Variants in ATRNL1 observed in about 807,000 individuals in gnomAD.
The protein encoded by ATRNL1 is attractin like 1.
Under a neutral mutation model 182.7 loss-of-function variants are expected in ATRNL1, and 95 were observed. That is an observed-to-expected ratio of 0.52 (90% CI 0.44 to 0.62). ATRNL1 has a LOEUF of 0.62. Ranked by LOEUF, ATRNL1 falls within the 20% of genes least tolerant of loss-of-function variation. The probability of loss-of-function intolerance (pLI) is 0.00; values close to 1 mark genes in which losing one functional copy is unlikely to be tolerated. For synonymous variants in ATRNL1, 576 were observed against 568.3 expected (o/e 1.01, Z -0.19); for missense variants, 1,471 against 1,679.5 (o/e 0.88, Z 2.17).
intron 27 of ATRNL1, among the ~76,000 whole-genome samples, chr10:115,769,565 A>G (rs557536302): frequency 6.6e-6 from 1 of 152,306 alleles, no homozygotes; most frequent in South Asian, 2.1e-4. Flanking sequence ...CATAGCGCTC[A>G]GTACATTGTA....
intron 27 of ATRNL1, among the ~76,000 whole-genome samples, chr10:115,752,219 G>A (rs1370379269): frequency 6.6e-6 from 1 of 151,962 alleles, no homozygotes; most frequent in African/African-American, 2.4e-5. Context: ...TCATCAAGTA[G>A]GGGAATCAGA....
chr10:115,435,597 T>C (rs1846369975), intron 21 of ATRNL1, among the ~76,000 whole-genome samples: 1 of 152,200 alleles, frequency 6.6e-6, no homozygotes, highest in African/African-American at 2.4e-5. Flanking sequence ...TTTATTTGTA[T>C]GTCTTTAATG....
At chr10:115,893,423 T>G (rs1192351306) in intron 28 of ATRNL1, among the ~76,000 whole-genome samples, 1 of 152,228 alleles carries the variant, frequency 6.6e-6, no homozygotes, top group Non-Finnish European at 1.5e-5. Flanking sequence ...GTGCCTTTTA[T>G]TAATGTATTT....
chr10:115,406,594 A>C (rs1371828963), intron 20 of ATRNL1, among the ~76,000 whole-genome samples: 19 of 152,168 alleles, frequency 1.2e-4, no homozygotes, highest in Admixed American at 1.1e-3. Flanking sequence ...AAGCTTAAAA[A>C]ATTCCTTAGT....
intron 19 of ATRNL1, among the ~76,000 whole-genome samples, chr10:115,361,149 C>T (rs1554944103): frequency 2.0e-5 from 3 of 151,882 alleles, no homozygotes; most frequent in East Asian, 1.9e-4. Flanking sequence ...GTCTTTCACC[C>T]GCTAGTTCTA....
chr10:115,132,622 T>A (rs1592144254), intron 5 of ATRNL1, among the ~76,000 whole-genome samples: 1 of 152,290 alleles, frequency 6.6e-6, no homozygotes, highest in East Asian at 1.9e-4. Context: ...TGATCGCCAT[T>A]CTAACTGGTG....
chr10:115,254,143 A>G (rs1199294200), intron 10 of ATRNL1, among the ~76,000 whole-genome samples: 11 of 152,206 alleles, frequency 7.2e-5, no homozygotes. Flanking sequence ...TCCTTTGGGT[A>G]TATACCCAGT....
chr10:115,540,189 G>A (rs1186128193), intron 25 of ATRNL1, among the ~76,000 whole-genome samples: 1 of 151,778 alleles, frequency 6.6e-6, no homozygotes, highest in Non-Finnish European at 1.5e-5. Flanking sequence ...GATCTCTCCT[G>A]AGCTGCCTGT....
At chr10:115,363,726 T>C (rs1856871640) in intron 19 of ATRNL1, among the ~76,000 whole-genome samples, 1 of 151,942 alleles carries the variant, frequency 6.6e-6, no homozygotes, top group Admixed American at 6.6e-5. Flanking sequence ...CAGTTTCAGC[T>C]TTCTACATAT....
intron 24 of ATRNL1, among the ~76,000 whole-genome samples, chr10:115,517,657 A>T (rs974021389): frequency 1.3e-5 from 2 of 151,776 alleles, no homozygotes; most frequent in African/African-American, 2.4e-5. Flanking sequence ...TTAGGTATTT[A>T]TCAACATTGC....
chr10:115,551,400 G>A (rs557715465), intron 26 of ATRNL1, among the ~76,000 whole-genome samples: 48 of 151,364 alleles, frequency 3.2e-4, no homozygotes, highest in South Asian at 2.1e-4. Flanking sequence ...GATGTGGAAA[G>A]GATAAAAGAC....
At chr10:115,344,017 G>A (rs1336081983) in intron 19 of ATRNL1, among the ~76,000 whole-genome samples, 2 of 152,170 alleles carry the variant, frequency 1.3e-5, no homozygotes, top group African/African-American at 2.4e-5. Flanking sequence ...ACTTAAAGCT[G>A]GGGGTGGAGT....
intron 25 of ATRNL1, among the ~76,000 whole-genome samples, chr10:115,535,211 T>A (rs1312012372): frequency 6.6e-6 from 1 of 152,154 alleles, no homozygotes; most frequent in Non-Finnish European, 1.5e-5. Flanking sequence ...GTTTTCCAAC[T>A]TGGCTCCATT....
chr10:115,504,010 C>T (rs182743515), intron 24 of ATRNL1, among the ~76,000 whole-genome samples: 1 of 151,690 alleles, frequency 6.6e-6, no homozygotes, highest in Non-Finnish European at 1.5e-5. Flanking sequence ...AAAGGACACA[C>T]TTTTTTTCAA....
At chr10:115,708,047 A>G (rs1331814340) in intron 26 of ATRNL1, among the ~76,000 whole-genome samples, 2 of 151,544 alleles carry the variant, frequency 1.3e-5, no homozygotes, top group Non-Finnish European at 3.0e-5. Context: ...ACTCCCTTTC[A>G]AGTTATTTAA....
chr10:115,113,521 G>A (rs1321096076), intron 1 of ATRNL1, among the ~76,000 whole-genome samples: 3 of 152,090 alleles, frequency 2.0e-5, no homozygotes, highest in African/African-American at 7.2e-5. Context: ...TGAATCATGG[G>A]GCCAAGTCTT....
intron 27 of ATRNL1, among the ~76,000 whole-genome samples, chr10:115,766,948 C>T (rs78895267): frequency 2.2e-3 from 340 of 152,280 alleles, no homozygotes; most frequent in Admixed American, 4.3e-3. Context: ...ATTTACTCAT[C>T]TGAAAATTGT....
chr10:115,596,515 T>A (rs190972631), intron 26 of ATRNL1, among the ~76,000 whole-genome samples: 1 of 152,234 alleles, frequency 6.6e-6, no homozygotes, highest in East Asian at 1.9e-4. Context: ...TGGATTATCA[T>A]GAAGAAGTTA....
intron 8 of ATRNL1, among the ~76,000 whole-genome samples, chr10:115,174,045 G>T (rs1847398934): frequency 6.6e-6 from 1 of 151,586 alleles, no homozygotes; most frequent in Admixed American, 6.6e-5. Context: ...TTTTTGTGGG[G>T]ATGGGTGTGG....
Sources: gnomAD v4.1 joint callset for allele counts (sites outside exome capture counted in the v4.1 genomes callset) on GRCh38, gnomAD v4.1.1 for gene constraint, MANE v1.5 for transcripts, NCBI Gene and HGNC (gene_info 2026-07-23, HGNC 2026-07-21) for gene names.